The following TASP1 variants were observed in gnomAD, a reference collection of about 807,000 sequenced individuals.
TASP1 encodes threonine aspartase 1.
In TASP1, 16 loss-of-function variants were observed where a neutral mutation model predicts 56.6. That is an observed-to-expected ratio of 0.28 (90% confidence interval 0.19 to 0.43). TASP1 has a LOEUF of 0.43. Among genes scored for constraint, TASP1 ranks in the 20% least tolerant of loss-of-function variants. TASP1 has a pLI of 1.00. For synonymous variants in TASP1, 179 were observed against 184.2 expected (o/e 0.97, Z 0.23); for missense variants, 393 against 511.6 (o/e 0.77, Z 2.24).
chr20:13,207,700 C>G, the TASP1 span, among the ~76,000 whole-genome samples: 1 of 152,186 alleles, frequency 6.6e-6, no homozygotes, highest in African/African-American at 2.4e-5. Flanking sequence ...AAGGGATTGG[C>G]TGATGCCTAC....
At chr20:13,401,481 T>A (rs150427656) in intron 13 of TASP1, among the ~76,000 whole-genome samples, 64 of 152,286 alleles carry the variant, frequency 4.2e-4, no homozygotes, top group African/African-American at 1.4e-3. Context: ...ATATAAGATA[T>A]ACCTAGTAGA....
chr20:13,153,300 G>T, the TASP1 span, among the ~76,000 whole-genome samples: 2 of 152,152 alleles, frequency 1.3e-5, no homozygotes, highest in Non-Finnish European at 2.9e-5. Flanking sequence ...TAGGACACAG[G>T]CTATAAGAGC....
chr20:13,623,387 T>C (rs1296532785), intron 4 of TASP1, 59 bp downstream of exon 4: 1 of 1,443,778 alleles, frequency 6.9e-7, no homozygotes, highest in African/African-American at 1.4e-5. Context: ...TTTCATGTCA[T>C]TTAAGAACAA....
At chr20:13,402,476 T>C (rs1288503523) in intron 13 of TASP1, among the ~76,000 whole-genome samples, 3 of 152,164 alleles carry the variant, frequency 2.0e-5, no homozygotes, top group Non-Finnish European at 2.9e-5. Context: ...ACAAGTAAAA[T>C]CAGTGATTAG....
intron 10 of TASP1, among the ~76,000 whole-genome samples, chr20:13,485,170 T>G (rs2043280861): frequency 6.6e-6 from 1 of 152,110 alleles, no homozygotes; most frequent in Admixed American, 6.6e-5. Flanking sequence ...CATTAGGACC[T>G]TCAAGGAAAA....
chr20:13,338,315 C>T, the TASP1 span, among the ~76,000 whole-genome samples: 1 of 152,126 alleles, frequency 6.6e-6, no homozygotes, highest in African/African-American at 2.4e-5. Context: ...ATATAATGAG[C>T]AGTGAGGAAG....
In TASP1 at chr20:13,473,074, T is replaced by C. The variant is rs947940602; in HGVS notation, c.985+10153A>G. On this transcript the variant is annotated intron_variant, in intron 11 of 13. Transcript: ENST00000337743. ...TCAGAACTATTCACAATAGCAAAGA[T>C]TTGGAACCAACCCAAACATCCATCA... 3.0e-4 allele frequency among the ~76,000 whole-genome samples: 45 copies of C among 152,110 alleles called. 1 individual carries two copies. Among genetic ancestry groups the C allele is most frequent in the African/African-American group, 1.1e-3 (45 of 41,468 alleles).
the TASP1 span, among the ~76,000 whole-genome samples, chr20:13,169,749 T>C: frequency 1.3e-5 from 2 of 152,212 alleles, no homozygotes; most frequent in Non-Finnish European, 2.9e-5. Flanking sequence ...TGAGCCCACA[T>C]GCACCTATTA....
chr20:13,344,887 C>T, the TASP1 span, among the ~76,000 whole-genome samples: 7 of 152,164 alleles, frequency 4.6e-5, no homozygotes, highest in African/African-American at 1.4e-4. Flanking sequence ...CCAGTGGTCT[C>T]CAAGGTTTCT....
intron 10 of TASP1, among the ~76,000 whole-genome samples, chr20:13,496,420 C>A (rs751067292): frequency 2.0e-5 from 3 of 151,380 alleles, no homozygotes; most frequent in Admixed American, 2.0e-4. Flanking sequence ...CGCCTAGAGG[C>A]TAACATGAAA....
the TASP1 span, among the ~76,000 whole-genome samples, chr20:13,296,660 G>C: frequency 6.6e-6 from 1 of 152,172 alleles, no homozygotes; most frequent in African/African-American, 2.4e-5. Context: ...GCTGGTTTAG[G>C]CTGAGGGTGG....
the TASP1 span, among the ~76,000 whole-genome samples, chr20:13,261,465 A>G: frequency 2.4e-4 from 37 of 152,090 alleles, no homozygotes; most frequent in African/African-American, 8.7e-4. Flanking sequence ...AAGAGTGTGG[A>G]AGCAACTACC....
the TASP1 span, among the ~76,000 whole-genome samples, chr20:13,155,758 G>A: frequency 1.3e-5 from 2 of 152,060 alleles, no homozygotes; most frequent in Non-Finnish European, 1.5e-5. Flanking sequence ...CCTGGGAGGT[G>A]GAGCTTGCAG....
chr20:13,337,269 T>G, the TASP1 span, among the ~76,000 whole-genome samples: 3 of 152,228 alleles, frequency 2.0e-5, no homozygotes, highest in African/African-American at 7.2e-5. Context: ...AGACAGACTC[T>G]CTAAGCCCCT....
the TASP1 span, among the ~76,000 whole-genome samples, chr20:13,310,441 C>T: frequency 6.6e-6 from 1 of 152,008 alleles, no homozygotes; most frequent in African/African-American, 2.4e-5. Flanking sequence ...GGATTAAAGA[C>T]TTAAATATAA....
At chr20:13,389,031 A>T (rs998403571), downstream of TASP1, among the ~76,000 whole-genome samples, 7 of 148,348 alleles carry the variant, frequency 4.7e-5, no homozygotes, top group African/African-American at 1.7e-4. Context: ...CTTCTTACAT[A>T]AAAAAAAAAG....
intron 13 of TASP1, among the ~76,000 whole-genome samples, chr20:13,412,407 C>G (rs1414671000): frequency 6.6e-6 from 1 of 152,128 alleles, no homozygotes; most frequent in African/African-American, 2.4e-5. Flanking sequence ...TTTTCTCTAC[C>G]TAATAACTTC....
the TASP1 span, among the ~76,000 whole-genome samples, chr20:13,105,248 A>G: frequency 6.7e-6 from 1 of 149,542 alleles, no homozygotes; most frequent in Non-Finnish European, 1.5e-5. Flanking sequence ...GAGGTCGGAG[A>G]GTTCATCCCC....
intron 11 of TASP1, among the ~76,000 whole-genome samples, chr20:13,465,713 C>A (rs1600881353): frequency 1.3e-5 from 2 of 152,040 alleles, no homozygotes; most frequent in African/African-American, 4.8e-5. Flanking sequence ...CGGAATTTTG[C>A]TGAGTATAAA....
Sources: allele counts gnomAD v4.1 joint callset (sites outside exome capture counted in the v4.1 genomes callset), GRCh38; gene constraint gnomAD v4.1.1; transcripts MANE v1.5; gene names NCBI Gene and HGNC (gene_info 2026-07-23, HGNC 2026-07-21).